Variants in PPP1R9A observed in about 807,000 individuals in gnomAD.
The protein encoded by PPP1R9A is neurabin-1.
A neutral mutation model predicts 141.9 loss-of-function variants in PPP1R9A; 59 were observed. The observed-to-expected ratio is 0.42, with a 90% CI of 0.34 to 0.52. The LOEUF (loss-of-function observed/expected upper bound fraction) is 0.52. Ranked by LOEUF, PPP1R9A falls within the 20% of genes least tolerant of loss-of-function variation. The pLI is 0.10. For missense variants in PPP1R9A, 1,444 were observed against 1,611.9 expected, an observed-to-expected ratio of 0.90 and a Z score of 1.78; for synonymous variants, 500 against 569.7, an observed-to-expected ratio of 0.88 and a Z score of 1.74.
At position 95,098,481 on chromosome 7, in the gene PPP1R9A, G is replaced by A. The variant is rs1183721060; in HGVS notation, c.1396-12778G>A. ...ATGTAAGGAGTAGGAATCCATTTTAGTTTGCCCACCACTTTATATCACATT... is the reference window on the plus strand; with the variant it reads ...ATGTAAGGAGTAGGAATCCATTTTAATTTGCCCACCACTTTATATCACATT... On this transcript the variant is annotated intron_variant, in intron 2 of 19. Coordinates refer to ENST00000433360, the MANE Select transcript of PPP1R9A (RefSeq NM_001166160.2). The A allele has an allele frequency of 2.0e-5, 3 of 151,016 alleles. No individual in the cohort carries two copies. The South Asian group carries it at 6.3e-4, about 32-fold the overall frequency. The allele number at this position is 151,016 out of a possible 1,614,324, so 9.4% of individuals were successfully genotyped here. A position where few individuals can be genotyped will look rare whatever the true frequency, so the allele number is the denominator to read the frequency against.
At chr7:95,261,055 C>T (rs1585516206) in intron 12 of PPP1R9A, among the ~76,000 whole-genome samples, 1 of 152,118 alleles carries the variant, frequency 6.6e-6, no homozygotes, top group Non-Finnish European at 1.5e-5. Context: ...ATTGACTAGG[C>T]TAGGATATCA....
chr7:95,269,153 C>A, intron 13 of PPP1R9A, 54 bp from the exon 14 acceptor site: 1 of 1,449,632 alleles, frequency 6.9e-7, no homozygotes, highest in Non-Finnish European at 9.4e-7. Flanking sequence ...GTAAGTATTG[C>A]ATAGAACTGA....
intron 3 of PPP1R9A, among the ~76,000 whole-genome samples, chr7:95,116,599 A>G (rs1821565096): frequency 6.6e-6 from 1 of 152,178 alleles, no homozygotes; most frequent in Non-Finnish European, 1.5e-5. Flanking sequence ...AAGACAAACC[A>G]TATTCTTGGA....
At chr7:94,980,049 T>C (rs1799900237) in intron 2 of PPP1R9A, among the ~76,000 whole-genome samples, 1 of 152,142 alleles carries the variant, frequency 6.6e-6, no homozygotes, top group African/African-American at 2.4e-5. Flanking sequence ...TCTAGATTGA[T>C]GCTTGTTCTT....
intron 4 of PPP1R9A, among the ~76,000 whole-genome samples, chr7:95,151,398 C>T (rs1449221281): frequency 2.0e-5 from 3 of 152,174 alleles, no homozygotes; most frequent in African/African-American, 4.8e-5. Flanking sequence ...TTCCTATTAT[C>T]TGACTTTCTT....
intron 2 of PPP1R9A, among the ~76,000 whole-genome samples, chr7:94,963,458 G>C (rs1261805755): frequency 6.6e-6 from 1 of 152,024 alleles, no homozygotes; most frequent in Admixed American, 6.6e-5. Context: ...CCCATCCCTG[G>C]CTCACATTAG....
At chr7:95,280,440 G>C (rs578132082) in intron 16 of PPP1R9A, among the ~76,000 whole-genome samples, 2 of 152,284 alleles carry the variant, frequency 1.3e-5, no homozygotes, top group Admixed American at 6.5e-5. Context: ...GGAATGTTTA[G>C]CTGGCAATTT....
chr7:94,947,624 A>G (rs1455362797), intron 2 of PPP1R9A, among the ~76,000 whole-genome samples: 1 of 152,086 alleles, frequency 6.6e-6, no homozygotes, highest in Admixed American at 6.6e-5. Context: ...GGGACAAGAA[A>G]CTTTCAGAAC....
intron 2 of PPP1R9A, among the ~76,000 whole-genome samples, chr7:94,977,225 G>T (rs1465423717): frequency 6.6e-6 from 1 of 152,128 alleles, no homozygotes; most frequent in East Asian, 1.9e-4. Flanking sequence ...GGGTTGAAGA[G>T]AAATTTGGCA....
At chr7:94,999,819 T>TTAGA (rs1269801179) in intron 2 of PPP1R9A, among the ~76,000 whole-genome samples, 43 of 146,848 alleles carry the variant, frequency 2.9e-4, no homozygotes, top group Non-Finnish European at 4.4e-4. Flanking sequence ...ATTTATTTAT[T>TTAGA]TAGATAGAGT....
chr7:95,233,948 A>G (rs1469333192), intron 8 of PPP1R9A, among the ~76,000 whole-genome samples: 2 of 152,196 alleles, frequency 1.3e-5, no homozygotes, highest in Non-Finnish European at 2.9e-5. Flanking sequence ...ATCTCAATAG[A>G]TGCAGAAAAA....
At chr7:94,997,201 C>G (rs1429091238) in intron 2 of PPP1R9A, among the ~76,000 whole-genome samples, 3 of 151,816 alleles carry the variant, frequency 2.0e-5, no homozygotes, top group Admixed American at 2.0e-4. Flanking sequence ...AATATTTGAG[C>G]CTATTTATAT....
At chr7:95,090,821 GA>G (rs1237760463) in intron 2 of PPP1R9A, among the ~76,000 whole-genome samples, 2 of 151,642 alleles carry the variant, frequency 1.3e-5, no homozygotes, top group Non-Finnish European at 2.9e-5. Context: ...AAAAGAAAAA[GA>G]AAAAAATCAT....
chr7:95,008,867 C>A (rs1803998183), intron 2 of PPP1R9A, among the ~76,000 whole-genome samples: 1 of 152,030 alleles, frequency 6.6e-6, no homozygotes, highest in Non-Finnish European at 1.5e-5. Context: ...TTTATTTTGG[C>A]ACTATTCACA....
chr7:95,092,483 A>G (rs1392663199), intron 2 of PPP1R9A, among the ~76,000 whole-genome samples: 3 of 152,134 alleles, frequency 2.0e-5, no homozygotes, highest in Non-Finnish European at 4.4e-5. Flanking sequence ...ACAGTGAAAA[A>G]GATTCCTTTG....
chr7:94,928,294 G>A (rs894828748), intron 2 of PPP1R9A, among the ~76,000 whole-genome samples: 5 of 152,044 alleles, frequency 3.3e-5, no homozygotes, highest in African/African-American at 1.2e-4. Flanking sequence ...TTCAAGGAGG[G>A]ACTTGTATAC....
chr7:95,084,422 A>G lies in PPP1R9A; in HGVS notation c.1396-26837A>G, dbSNP rs568430754. 2.6e-4 allele frequency among the ~76,000 whole-genome samples: 39 copies of G among 152,194 alleles called. 1 individual carries two copies. Among genetic ancestry groups the G allele is most frequent in the African/African-American group, 8.0e-4 (33 of 41,438 alleles). ...ATTTTTATTATAAAGGATTTTGAAC[A>G]TAGAACATATAGTATGACAACTTGG... On this transcript the variant is annotated intron_variant, in intron 2 of 19. Coordinates refer to ENST00000433360, the MANE Select transcript of PPP1R9A (RefSeq NM_001166160.2).
At chr7:95,203,805 C>T (rs539879314) in intron 7 of PPP1R9A, 75 bp downstream of exon 7, 42 of 1,087,116 alleles carry the variant, frequency 3.9e-5, no homozygotes, top group African/African-American at 3.8e-4. Context: ...TTCTTTGTGT[C>T]TTATTAACTA....
At chr7:94,970,968 C>G (rs1020694568) in intron 2 of PPP1R9A, among the ~76,000 whole-genome samples, 1 of 152,192 alleles carries the variant, frequency 6.6e-6, no homozygotes. Context: ...TCTTTAGCGT[C>G]CTCACCCTCT....
Sources: allele counts gnomAD v4.1 joint callset (sites outside exome capture counted in the v4.1 genomes callset), GRCh38; gene constraint gnomAD v4.1.1; transcripts MANE v1.5; gene names NCBI Gene and HGNC (gene_info 2026-07-23, HGNC 2026-07-21).